Variants in APOOL observed in about 807,000 individuals in gnomAD.
The protein encoded by APOOL is apolipoprotein O like, also known as MICOS complex subunit MIC27.
APOOL carries 12 observed loss-of-function variants against 23.1 expected under a neutral mutation model. That is an observed-to-expected ratio of 0.52 (90% CI 0.33 to 0.84). APOOL has a LOEUF of 0.84. Among genes scored for constraint, APOOL ranks in the 40% least tolerant of loss-of-function variants. APOOL has a pLI of 0.02. For missense variants in APOOL, 212 were observed against 199.6 expected, an observed-to-expected ratio of 1.06 and a Z score of -0.37; for synonymous variants, 77 against 69.9, an observed-to-expected ratio of 1.10 and a Z score of -0.51.
chrX:85,039,911 A>T (rs1173178135), intron 1 of APOOL, among the ~76,000 whole-genome samples: 2 of 111,895 alleles, frequency 1.8e-5, no homozygotes, highest in Admixed American at 9.5e-5. Flanking sequence ...CAAGTTTAAC[A>T]TTGATATGTG....
At chrX:85,085,447 G>A (rs1247631175) in intron 8 of APOOL, among the ~76,000 whole-genome samples, 2 of 111,819 alleles carry the variant, frequency 1.8e-5, no homozygotes, top group Non-Finnish European at 3.8e-5. Context: ...GTACCATCAT[G>A]AATACTAATT....
chrX:85,011,472 G>A (rs777630914), intron 1 of APOOL, among the ~76,000 whole-genome samples: 12 of 111,887 alleles, frequency 1.1e-4, no homozygotes, highest in Non-Finnish European at 1.7e-4. Context: ...ATGGTTTCAG[G>A]TCTTAGATTT....
intron 1 of APOOL, among the ~76,000 whole-genome samples, chrX:85,013,635 G>A (rs1284413786): frequency 9.0e-6 from 1 of 111,616 alleles, no homozygotes; most frequent in Non-Finnish European, 1.9e-5. Flanking sequence ...AGTTTTGAGG[G>A]TTCCCTTTGG....
chrX:85,020,962 C>A (rs1197126218), intron 1 of APOOL, among the ~76,000 whole-genome samples: 1 of 111,872 alleles, frequency 8.9e-6, no homozygotes, highest in Non-Finnish European at 1.9e-5. Context: ...TCCAGAGCCA[C>A]CCCAGGGCAA....
chrX:85,041,805 T>C (rs2147641602), intron 1 of APOOL, among the ~76,000 whole-genome samples: 1 of 110,999 alleles, frequency 9.0e-6, no homozygotes, highest in Non-Finnish European at 1.9e-5. Context: ...TTTGCTGACT[T>C]ACCATTTCCC....
intron 5 of APOOL, among the ~76,000 whole-genome samples, chrX:85,057,140 T>G (rs1157185935): frequency 9.1e-6 from 1 of 110,434 alleles, no homozygotes; most frequent in East Asian, 2.9e-4. Context: ...TGTTTCCAGC[T>G]TTTGGTGATT....
At chrX:85,082,509 G>A (rs182843229) in intron 8 of APOOL, among the ~76,000 whole-genome samples, 14 of 110,967 alleles carry the variant, frequency 1.3e-4, no homozygotes, top group Admixed American at 1.3e-3. Flanking sequence ...GCACCCACAT[G>A]TATGAGGTGT....
chrX:85,092,429 T>C lies in APOOL; in HGVS notation c.*4751T>C. On this transcript the variant is annotated 3_prime_UTR_variant, in exon 9 of 9. Coordinates refer to ENST00000373173, the MANE Select transcript of APOOL (RefSeq NM_198450.6). ...GCCATGTCCAGGAGTTCTTCTCTGTTAAACCTGAAGAGATGCCAGCCCTCC... is the reference window on the plus strand; with the variant it reads ...GCCATGTCCAGGAGTTCTTCTCTGTCAAACCTGAAGAGATGCCAGCCCTCC... 1 of 1,189,095 alleles carries C rather than the reference T, an allele frequency of 8.4e-7. No individual in the cohort carries two copies. Among genetic ancestry groups the C allele is most frequent in the East Asian group, 3.1e-5 (1 of 32,289 alleles).
chrX:85,018,568 A>G (rs1050902994), intron 1 of APOOL, among the ~76,000 whole-genome samples: 3 of 108,428 alleles, frequency 2.8e-5, no homozygotes, highest in African/African-American at 1.0e-4. Flanking sequence ...TTTCTTCACT[A>G]TTTTTCATTC....
At chrX:85,051,220 A>G (rs1005128285) in intron 2 of APOOL, among the ~76,000 whole-genome samples, 169 bp from the exon 3 acceptor site, 10 of 111,815 alleles carry the variant, frequency 8.9e-5, no homozygotes, top group African/African-American at 2.9e-4. Context: ...GTCTTTATAA[A>G]CAGTTTACCA....
Position 85,091,651 on chromosome X carries a change from GT to G in APOOL, c.*3974del, listed in dbSNP as rs1187521663. On this transcript the variant is annotated 3_prime_UTR_variant, in exon 9 of 9. Transcript: ENST00000373173. ...GAAACATAGAAATATAGTGTTGTAT[GT>G]GGTATCTTCCCTAAGATAAGTACAA... 8.9e-6 allele frequency: 1 copy of G among 111,755 alleles called. No homozygotes were observed. The highest frequency in any genetic ancestry group is 9.5e-5 in the Admixed American group (1 of 10,509). 9.2% of individuals were successfully genotyped at this position (111,755 alleles called of 1,213,427 possible). A position where few individuals can be genotyped will look rare whatever the true frequency, so the allele number is the denominator to read the frequency against.
chrX:85,089,966 C>CG lies in APOOL; in HGVS notation c.*2288_*2289insG, dbSNP rs1924477463. The CG allele has an allele frequency of 1.2e-5, 1 of 81,555 alleles. No homozygotes were observed. Among genetic ancestry groups the CG allele is most frequent in the African/African-American group, 4.6e-5 (1 of 21,733 alleles). The allele number at this position is 81,555 out of a possible 1,213,427, so 6.7% of individuals were successfully genotyped here. On this transcript the variant is annotated 3_prime_UTR_variant, in exon 9 of 9. Coordinates refer to ENST00000373173, the MANE Select transcript of APOOL (RefSeq NM_198450.6). ...AACAAATATTTAATATTAGCTTAAGCAAAAAAAAAAAAAAAGGCCTATCCT... is the reference window on the plus strand; with the variant it reads ...AACAAATATTTAATATTAGCTTAAGCGAAAAAAAAAAAAAAAGGCCTATCCT...
intron 1 of APOOL, among the ~76,000 whole-genome samples, chrX:85,040,538 C>T (rs1888847286): frequency 9.0e-6 from 1 of 111,667 alleles, no homozygotes; most frequent in South Asian, 3.7e-4. Flanking sequence ...GCCAGTGAGT[C>T]ATTGGTTTGG....
At chrX:85,078,373 C>G (rs1348917056) in intron 8 of APOOL, among the ~76,000 whole-genome samples, 1 of 111,187 alleles carries the variant, frequency 9.0e-6, no homozygotes, top group Non-Finnish European at 1.9e-5. Flanking sequence ...TTGTTTTTGT[C>G]AGGTTTGTCA....
intron 1 of APOOL, among the ~76,000 whole-genome samples, chrX:85,042,702 C>A (rs1490437421): frequency 2.7e-5 from 3 of 111,691 alleles, no homozygotes; most frequent in Admixed American, 1.9e-4. Flanking sequence ...ACCAGCAAAT[C>A]AAATTCCAAA....
intron 8 of APOOL, among the ~76,000 whole-genome samples, chrX:85,077,735 G>A (rs892667953): frequency 1.8e-5 from 2 of 111,777 alleles, no homozygotes; most frequent in Non-Finnish European, 3.8e-5. Context: ...CAGTGTAAAA[G>A]CATTCCTATT....
At chrX:85,011,838 T>C (rs1018762432) in intron 1 of APOOL, among the ~76,000 whole-genome samples, 7 of 111,740 alleles carry the variant, frequency 6.3e-5, no homozygotes, top group African/African-American at 2.3e-4. Flanking sequence ...CTTTTTTGGT[T>C]CCATATGAAT....
chrX:85,013,884 T>C (rs937935364), intron 1 of APOOL, among the ~76,000 whole-genome samples: 1 of 111,755 alleles, frequency 8.9e-6, no homozygotes, highest in Non-Finnish European at 1.9e-5. Context: ...ACTTTCTGTC[T>C]TGATGACCTG....
chrX:85,041,701 T>C (rs1602758043), intron 1 of APOOL, among the ~76,000 whole-genome samples: 1 of 111,325 alleles, frequency 9.0e-6, no homozygotes, highest in East Asian at 2.8e-4. Flanking sequence ...GCAACCTGTG[T>C]CAGTCTGGAG....
Sources: allele counts gnomAD v4.1 joint callset (sites outside exome capture counted in the v4.1 genomes callset), GRCh38; gene constraint gnomAD v4.1.1; transcripts MANE v1.5; gene names NCBI Gene and HGNC (gene_info 2026-07-23, HGNC 2026-07-21).